The following SH3PXD2A variants were observed in gnomAD, a reference collection of about 807,000 sequenced individuals.
The protein encoded by SH3PXD2A is SH3 and PX domain-containing protein 2A.
A neutral mutation model predicts 115.2 loss-of-function variants in SH3PXD2A; 32 were observed. That is an observed-to-expected ratio of 0.28 (90% confidence interval 0.21 to 0.37). The LOEUF (loss-of-function observed/expected upper bound fraction) is 0.37. Ranked by LOEUF, SH3PXD2A falls within the 10% of genes least tolerant of loss-of-function variation. The pLI, the probability that SH3PXD2A is intolerant of heterozygous loss-of-function variation, is 1.00. For synonymous variants in SH3PXD2A, 610 were observed against 629.1 expected, an observed-to-expected ratio of 0.97 and a Z score of 0.45; for missense variants, 1,328 against 1,498.7, an observed-to-expected ratio of 0.89 and a Z score of 1.88.
intron 3 of SH3PXD2A, among the ~76,000 whole-genome samples, chr10:103,764,358 T>C (rs1162328890): frequency 6.6e-6 from 1 of 152,134 alleles, no homozygotes; most frequent in Non-Finnish European, 1.5e-5. Flanking sequence ...AATGTGTGTT[T>C]TGAAGTCCTG....
intron 3 of SH3PXD2A, among the ~76,000 whole-genome samples, chr10:103,753,479 G>C (rs1011017190): frequency 1.6e-5 from 2 of 126,822 alleles, no homozygotes; most frequent in East Asian, 2.3e-4. Flanking sequence ...CTGGACAACA[G>C]AGCAAGACCC....
intron 6 of SH3PXD2A, among the ~76,000 whole-genome samples, chr10:103,673,815 C>T (rs904996158): frequency 5.9e-5 from 9 of 152,140 alleles, no homozygotes; most frequent in East Asian, 5.8e-4. Flanking sequence ...GAAAACTCCA[C>T]GGAGAATGAA....
intron 3 of SH3PXD2A, among the ~76,000 whole-genome samples, chr10:103,759,005 C>T (rs982845975): frequency 6.6e-6 from 1 of 152,172 alleles, no homozygotes; most frequent in African/African-American, 2.4e-5. Context: ...TCAGGAAGGG[C>T]TTTCTCAGCT....
chr10:103,681,770 G>A (rs61870181), intron 6 of SH3PXD2A, among the ~76,000 whole-genome samples: 2,403 of 139,302 alleles, frequency 0.017, 25 homozygotes, highest in Non-Finnish European at 0.027. Context: ...GCGCGCGCGC[G>A]CGCACACACA....
At chr10:103,643,718 A>C (rs1315208510) in intron 8 of SH3PXD2A, among the ~76,000 whole-genome samples, 1 of 152,170 alleles carries the variant, frequency 6.6e-6, no homozygotes, top group Admixed American at 6.5e-5. Context: ...TCTCATGACG[A>C]GATTCAATGC....
rs79380788 is a variant in SH3PXD2A, at chr10:103,727,541, G to A, written c.307-3180C>T. On this transcript the variant is annotated intron_variant, in intron 4 of 14. Transcript: ENST00000369774. ...CACCCTGAAAGGGAGAAGGAGGGAC[G>A]CAGGGCAGGAGAGGGCGGGTTTCAG... Among the ~76,000 whole-genome samples, 765 of 152,240 alleles carry A rather than the reference G, an allele frequency of 5.0e-3. 11 individuals are homozygous for A. The highest frequency in any genetic ancestry group is 0.017 in the African/African-American group (720 of 41,548).
intron 9 of SH3PXD2A, among the ~76,000 whole-genome samples, 159 bp from the exon 10 acceptor site, chr10:103,622,712 C>T (rs573596570): frequency 6.6e-6 from 1 of 152,312 alleles, no homozygotes; most frequent in Admixed American, 6.5e-5. Flanking sequence ...GGGCACGCCC[C>T]TGTTGGATGG....
intron 1 of SH3PXD2A, among the ~76,000 whole-genome samples, chr10:103,835,718 C>T (rs2039532612): frequency 6.6e-6 from 1 of 152,172 alleles, no homozygotes; most frequent in Non-Finnish European, 1.5e-5. Context: ...TCCCGTGCAG[C>T]TCTACCCTCC....
chr10:103,734,651 AG>A (rs1389030472), intron 4 of SH3PXD2A, among the ~76,000 whole-genome samples: 1 of 152,228 alleles, frequency 6.6e-6, no homozygotes, highest in Admixed American at 6.5e-5. Context: ...CGGAAGGCTG[AG>A]GCATGAGAAT....
chr10:103,826,301 A>C (rs895462540), intron 1 of SH3PXD2A, among the ~76,000 whole-genome samples: 27 of 152,138 alleles, frequency 1.8e-4, no homozygotes, highest in African/African-American at 6.5e-4. Flanking sequence ...CTATTCTCCA[A>C]GTGAGGATAC....
Position 103,602,672 on chromosome 10 carries a change from C to T in SH3PXD2A, c.2546G>A (p.Ser849Asn). 1 of 1,614,172 alleles carries T rather than the reference C, an allele frequency of 6.2e-7. No homozygotes were observed. Among genetic ancestry groups the T allele is most frequent in the Non-Finnish European group, 8.5e-7 (1 of 1,180,026 alleles). Residue 849 changes from serine to asparagine, a missense_variant, in exon 15 of 15, where the codon AGC (serine) becomes AAC (asparagine). By Grantham distance (46) the Ser-to-Asn change is conservative. Coordinates refer to ENST00000369774, the MANE Select transcript of SH3PXD2A (RefSeq NM_001394015.1). ...EGPATSYMTC[S>N]AYQKVQDSEI... ...CGAGTCCTGGACCTTCTGGTAGGCGCTGCATGTCATGTACGAGGTGGCTGG... is the reference window on the plus strand; with the variant it reads ...CGAGTCCTGGACCTTCTGGTAGGCGTTGCATGTCATGTACGAGGTGGCTGG...
intron 3 of SH3PXD2A, among the ~76,000 whole-genome samples, chr10:103,764,678 G>A (rs2038735516): frequency 6.6e-6 from 1 of 152,170 alleles, no homozygotes; most frequent in African/African-American, 2.4e-5. Flanking sequence ...AATCCTCACT[G>A]CAATCCTGTA....
intron 4 of SH3PXD2A, among the ~76,000 whole-genome samples, chr10:103,725,124 C>A (rs574301611): frequency 4.6e-5 from 7 of 152,322 alleles, no homozygotes; most frequent in Admixed American, 2.0e-4. Context: ...AGGAAGGACT[C>A]TTTAAAGCTA....
intron 2 of SH3PXD2A, among the ~76,000 whole-genome samples, chr10:103,794,684 G>C (rs1444770280): frequency 6.6e-6 from 1 of 152,236 alleles, no homozygotes; most frequent in Non-Finnish European, 1.5e-5. Context: ...GTTAGGCCCT[G>C]TCCTGGTCAG....
chr10:103,747,423 G>A (rs1463690180), intron 3 of SH3PXD2A, among the ~76,000 whole-genome samples: 4 of 152,168 alleles, frequency 2.6e-5, no homozygotes, highest in Non-Finnish European at 4.4e-5. Context: ...GTGCAGCCTC[G>A]GCTCCTCCCT....
chr10:103,657,482 G>A (rs1244890457), intron 8 of SH3PXD2A, among the ~76,000 whole-genome samples: 2 of 152,232 alleles, frequency 1.3e-5, no homozygotes, highest in Admixed American at 6.5e-5. Context: ...CAAAGACAAA[G>A]TAACAATGGC....
At position 103,603,292 on chromosome 10, in the gene SH3PXD2A, G is replaced by A. The variant is rs1272710777; in HGVS notation, c.1926C>T (p.Ser642=). 4 of 1,613,896 alleles carry A rather than the reference G, an allele frequency of 2.5e-6. No homozygotes were observed. Among genetic ancestry groups the A allele is most frequent in the African/African-American group, 2.7e-5 (2 of 75,056 alleles). The change falls in exon 15 of 15, where the codon AGC becomes AGT. Residue 642 remains serine (S), a synonymous_variant. Coordinates refer to ENST00000369774, the MANE Select transcript of SH3PXD2A (RefSeq NM_001394015.1). The part of the protein sequence containing the change: ...TLSARGSSGD[S]DSPGSSSLSL... ...ACAGCGAGGAGCTGCCTGGGGAGTC[G>A]CTGTCCCCGGAGGAGCCTCTGGCTG...
At chr10:103,836,309 C>T (rs2039539239) in intron 1 of SH3PXD2A, among the ~76,000 whole-genome samples, 2 of 152,100 alleles carry the variant, frequency 1.3e-5, no homozygotes, top group South Asian at 2.1e-4. Context: ...TTATTACACA[C>T]ACACACATCC....
At chr10:103,799,239 G>T (rs78734114) in intron 2 of SH3PXD2A, among the ~76,000 whole-genome samples, 3,345 of 152,278 alleles carry the variant, frequency 0.022, 118 homozygotes, top group African/African-American at 0.076. Context: ...AACTCCCTTT[G>T]TTCTTCCTCT....
Sources: gnomAD v4.1 joint callset for allele counts (sites outside exome capture counted in the v4.1 genomes callset) on GRCh38, gnomAD v4.1.1 for gene constraint, MANE v1.5 for transcripts, NCBI Gene and HGNC (gene_info 2026-07-23, HGNC 2026-07-21) for gene names.